Variants in CEACAM4 observed in about 807,000 individuals in gnomAD.
CEACAM4 encodes cell adhesion molecule CEACAM4.
CEACAM4 carries 30 observed loss-of-function variants against 28.7 expected under a neutral mutation model. That is an observed-to-expected ratio of 1.05 (90% CI 0.78 to 1.42). CEACAM4 has a LOEUF of 1.42. Ranked by LOEUF, CEACAM4 falls within the 40% of genes most tolerant of loss-of-function variation. CEACAM4 has a pLI of 0.00. For synonymous variants in CEACAM4, 143 were observed against 126.5 expected (o/e 1.13, Z -0.87); for missense variants, 330 against 308.2 (o/e 1.07, Z -0.53).
downstream of CEACAM4, among the ~76,000 whole-genome samples, chr19:41,618,610 G>A (rs2071058630): frequency 6.6e-6 from 1 of 152,168 alleles, no homozygotes; most frequent in Non-Finnish European, 1.5e-5. Flanking sequence ...CAGGGGTCAG[G>A]ACACTGGAGG....
intron 2 of CEACAM4, among the ~76,000 whole-genome samples, chr19:41,624,197 C>T (rs1220577153): frequency 6.6e-6 from 1 of 152,040 alleles, no homozygotes; most frequent in Admixed American, 6.5e-5. Context: ...CCAGAACCTC[C>T]TAGGATCTTG....
chr19:41,625,435 G>T, intron 2 of CEACAM4, 166 bp downstream of exon 2: 1 of 820,852 alleles, frequency 1.2e-6, no homozygotes, highest in Non-Finnish European at 2.0e-6. Flanking sequence ...AAGGAATTCT[G>T]ATCTGTTGAA....
chr19:41,627,047 T>A lies in CEACAM4; in HGVS notation c.-84A>T, dbSNP rs2071713901. On this transcript the variant is annotated 5_prime_UTR_variant, in exon 1 of 7. Transcript: ENST00000221954. ...TCAGAGCTGCTGTGACTGTCGGCTG[T>A]CGGGGCTGCTGACCTTCCTCCTTCT... 1.6e-6 allele frequency: 2 copies of A among 1,238,100 alleles called. No homozygotes were observed. The highest frequency in any genetic ancestry group is 1.4e-5 in the South Asian group (1 of 69,164). The allele number at this position is 1,238,100 out of a possible 1,614,324, so 76.7% of individuals were successfully genotyped here.
chr19:41,625,997 C>G, intron 1 of CEACAM4, 37 bp from the exon 2 acceptor site: 1 of 1,567,362 alleles, frequency 6.4e-7, no homozygotes, highest in South Asian at 1.2e-5. Context: ...ATACTGGGAC[C>G]TATGGAGTGG....
At chr19:41,621,804 A>G (rs782671637) in intron 2 of CEACAM4, 36 bp from the exon 3 acceptor site, 2 of 1,283,658 alleles carry the variant, frequency 1.6e-6, no homozygotes, top group Non-Finnish European at 1.1e-6. Flanking sequence ...ACAAGGCCCA[A>G]GTTTGTTCCA....
At chr19:41,623,424 T>G (rs1000354985) in intron 2 of CEACAM4, among the ~76,000 whole-genome samples, 1,103 of 100,672 alleles carry the variant, frequency 0.011, 18 homozygotes, top group African/African-American at 0.059. Context: ...ACTGCATTTT[T>G]TTTTTTTTTT....
chr19:41,622,851 T>G (rs7507365), intron 2 of CEACAM4, among the ~76,000 whole-genome samples: 1 of 115,944 alleles, frequency 8.6e-6, no homozygotes, highest in South Asian at 3.0e-4. Flanking sequence ...TATATACATA[T>G]ATATAGATAG....
chr19:41,616,328 G>A (rs1045707444), downstream of CEACAM4, among the ~76,000 whole-genome samples: 9 of 152,112 alleles, frequency 5.9e-5, no homozygotes, highest in East Asian at 9.6e-4. Context: ...CACTGCTCTC[G>A]GCCGCGGTGT....
chr19:41,614,090 C>G (rs547841806), downstream of CEACAM4, among the ~76,000 whole-genome samples: 12 of 152,284 alleles, frequency 7.9e-5, no homozygotes, highest in East Asian at 2.3e-3. Context: ...TGGATTTGCT[C>G]TAATTGTGGT....
chr19:41,623,419 A>AT (rs57004828), intron 2 of CEACAM4, among the ~76,000 whole-genome samples: 1,843 of 104,926 alleles, frequency 0.018, 59 homozygotes, highest in South Asian at 0.04. Flanking sequence ...TTCGAACTGC[A>AT]TTTTTTTTTT....
At position 41,619,567 on chromosome 19, in the gene CEACAM4, T is replaced by G. The variant is rs145977982; in HGVS notation, c.669+103A>C. On this transcript the variant is annotated intron_variant, in intron 6 of 6. Coordinates refer to ENST00000221954, the MANE Select transcript of CEACAM4 (RefSeq NM_001817.4). ...CTGCTCACCACCACCTGTTCTCATT[T>G]TCACTGCATTTTCCTGAATCTGAGC... is the stretch of plus-strand genomic sequence containing the variant. The G allele has an allele frequency of 1.5e-3, 2,269 of 1,552,256 alleles. 36 individuals carry two copies. The African/African-American group carries it at 0.028, about 19-fold the overall frequency.
Position 41,621,720 on chromosome 19 carries a change from G to T in CEACAM4, c.473C>A (p.Thr158Asn). 9.3e-6 allele frequency: 15 copies of T among 1,613,440 alleles called. No individual in the cohort carries two copies. Among genetic ancestry groups the T allele is most frequent in the Non-Finnish European group, 1.2e-5 (14 of 1,179,412 alleles). Residue 158 changes from threonine to asparagine, a missense_variant, in exon 3 of 7, where the codon ACT becomes AAT. Coordinates refer to ENST00000221954, the MANE Select transcript of CEACAM4 (RefSeq NM_001817.4). ...LPVGAVAGIV[T>N]GVLVGVALVA... ...CAGAGCCACCCCAACCAGGACCCCA[G>T]TCACGATGCCAGCGACGGCCCCCAC... is the stretch of plus-strand genomic sequence containing the variant.
chr19:41,625,998 T>C, intron 1 of CEACAM4, 38 bp from the exon 2 acceptor site: 1 of 1,566,622 alleles, frequency 6.4e-7, no homozygotes, highest in Non-Finnish European at 8.6e-7. Context: ...TACTGGGACC[T>C]ATGGAGTGGG....
chr19:41,621,442 A>C (rs1377033308), intron 3 of CEACAM4, among the ~76,000 whole-genome samples: 4 of 147,262 alleles, frequency 2.7e-5, no homozygotes, highest in Non-Finnish European at 6.0e-5. Flanking sequence ...CTAGGACAGC[A>C]CTCAGGGGTG....
At chr19:41,621,006 G>T (rs1431100378) in intron 3 of CEACAM4, among the ~76,000 whole-genome samples, 1 of 152,074 alleles carries the variant, frequency 6.6e-6, no homozygotes, top group African/African-American at 2.4e-5. Flanking sequence ...TGGGGGCATG[G>T]GGAGGCAAGG....
At chr19:41,617,434 G>A (rs2071002782), downstream of CEACAM4, among the ~76,000 whole-genome samples, 1 of 152,134 alleles carries the variant, frequency 6.6e-6, no homozygotes, top group Non-Finnish European at 1.5e-5. Context: ...AGGAGTGATG[G>A]ACAGAACAAG....
downstream of CEACAM4, among the ~76,000 whole-genome samples, chr19:41,615,774 A>G (rs147762779): frequency 2.2e-3 from 332 of 152,254 alleles, 1 homozygote; most frequent in African/African-American, 7.7e-3. Context: ...CATCCAAAGC[A>G]CAGAAGCCCT....
intron 2 of CEACAM4, 33 bp downstream of exon 2, chr19:41,625,568 G>A (rs374939778): frequency 2.5e-5 from 39 of 1,544,214 alleles, no homozygotes; most frequent in African/African-American, 9.6e-5. Context: ...AGAACTGACC[G>A]CCAGCACCCA....
At chr19:41,614,291 T>C (rs1555798573), downstream of CEACAM4, among the ~76,000 whole-genome samples, 1 of 152,234 alleles carries the variant, frequency 6.6e-6, no homozygotes, top group Admixed American at 6.5e-5. Context: ...TGAAGTACCC[T>C]GTGCTGGGCT....
Sources: allele counts gnomAD v4.1 joint callset (sites outside exome capture counted in the v4.1 genomes callset), GRCh38; gene constraint gnomAD v4.1.1; transcripts MANE v1.5; gene names NCBI Gene and HGNC (gene_info 2026-07-23, HGNC 2026-07-21).